Variants in DHRS4L2 observed in about 807,000 individuals in gnomAD.
The protein encoded by DHRS4L2 is dehydrogenase/reductase 4 like 2, also known as dehydrogenase/reductase SDR family member 4-like 2.
A neutral mutation model predicts 23.9 loss-of-function variants in DHRS4L2; 22 were observed. The observed-to-expected ratio is 0.92, with a 90% confidence interval of 0.66 to 1.31. The LOEUF (loss-of-function observed/expected upper bound fraction) is 1.31, where lower values mean the gene tolerates loss of function less well. DHRS4L2 is among the 40% of genes most tolerant of loss of function. DHRS4L2 has a pLI of 0.00. For synonymous variants in DHRS4L2, 141 were observed against 123.7 expected (o/e 1.14, Z -0.93); for missense variants, 385 against 303.3 (o/e 1.27, Z -2.00).
At chr14:23,988,545 C>A (rs983770279), upstream of DHRS4L2, among the ~76,000 whole-genome samples, 1 of 151,186 alleles carries the variant, frequency 6.6e-6, no homozygotes, top group African/African-American at 2.4e-5. Flanking sequence ...TAGACCCAGA[C>A]TTTCTTGGAG....
intron 1 of DHRS4L2, among the ~76,000 whole-genome samples, chr14:23,982,330 A>G (rs1014415983): frequency 1.8e-4 from 28 of 151,634 alleles, no homozygotes; most frequent in African/African-American, 6.5e-4. Context: ...GTTCCATAAA[A>G]CACATGTTTC....
upstream of DHRS4L2, among the ~76,000 whole-genome samples, chr14:23,986,383 A>G (rs2034140045): frequency 6.6e-6 from 1 of 151,350 alleles, no homozygotes; most frequent in Non-Finnish European, 1.5e-5. Context: ...GGGAAGGGAT[A>G]GCATTAGGAG....
exon 1 of DHRS4L2, chr14:23,970,009 C>G: frequency 2.2e-6 from 1 of 455,674 alleles, no homozygotes; most frequent in Non-Finnish European, 4.4e-6. Context: ...CCGGGCTTTA[C>G]TGAAGCGGAG....
chr14:23,992,692 TA>T (rs1363162730), intron 2 of DHRS4L2, among the ~76,000 whole-genome samples: 1 of 151,384 alleles, frequency 6.6e-6, no homozygotes, highest in Admixed American at 6.6e-5. Flanking sequence ...GACTTTCTTT[TA>T]TTTTTTTCCA....
In DHRS4L2 at chr14:23,990,289, A is replaced by T. The variant is rs1223226611; in HGVS notation, c.236A>T (p.Glu79Val). ...CAGGCGGTGGCCACGCTGCAGGGGG[A>T]GGGGCTGAGCGTGACGGGCACTGTG... is the stretch of plus-strand genomic sequence containing the variant. ...VDQAVATLQG[E>V]GLSVTGTVCH... The change falls in exon 2 of 8, where the codon GAG (glutamate) becomes GTG (valine). Residue 79 changes from glutamate to valine, a missense_variant. Glu to Val is a moderately radical substitution (Grantham distance 121). Transcript: ENST00000335125. The T allele has an allele frequency of 6.2e-7, 1 of 1,612,056 alleles. No homozygotes were observed. Among genetic ancestry groups the T allele is most frequent in the East Asian group, 2.2e-5 (1 of 44,846 alleles).
intron 1 of DHRS4L2, among the ~76,000 whole-genome samples, chr14:23,976,491 T>C (rs530818379): frequency 6.6e-6 from 1 of 151,834 alleles, no homozygotes; most frequent in East Asian, 1.9e-4. Context: ...TAGGAAGGCT[T>C]TTAGACTGTT....
At position 23,995,780 on chromosome 14, in the gene DHRS4L2, A is replaced by C. The variant is rs539362875; in HGVS notation, c.408+647A>C. ...CACACCCTTTAATTACAAAGCTTTA[A>C]TTAAAATATTTGTCTTTGTTTATTA... On this transcript the variant is annotated intron_variant, in intron 3 of 7. Coordinates refer to ENST00000335125, the MANE Select transcript of DHRS4L2 (RefSeq NM_198083.4). 4.6e-5 allele frequency among the ~76,000 whole-genome samples: 7 copies of C among 151,782 alleles called. 1 individual carries two copies. The highest frequency in any genetic ancestry group is 1.0e-4 in the Non-Finnish European group (7 of 67,948).
intron 1 of DHRS4L2, among the ~76,000 whole-genome samples, chr14:23,971,823 T>C (rs1391788849): frequency 6.6e-6 from 1 of 152,100 alleles, no homozygotes; most frequent in Admixed American, 6.5e-5. Context: ...TAAGAGCTCC[T>C]GAAGGAAGCA....
At chr14:23,975,109 A>G (rs1464984131) in intron 1 of DHRS4L2, among the ~76,000 whole-genome samples, 1 of 151,744 alleles carries the variant, frequency 6.6e-6, no homozygotes, top group South Asian at 2.1e-4. Context: ...AGGAAGAAAT[A>G]AAGGGTATTC....
chr14:23,987,900 T>A (rs559793239), upstream of DHRS4L2, among the ~76,000 whole-genome samples: 1 of 127,054 alleles, frequency 7.9e-6, no homozygotes, highest in African/African-American at 3.4e-5. Context: ...CCATAAGCCA[T>A]CCATATTTAT....
At chr14:23,995,296 C>T (rs1297514485) in intron 3 of DHRS4L2, among the ~76,000 whole-genome samples, 163 bp downstream of exon 3, 2 of 151,732 alleles carry the variant, frequency 1.3e-5, no homozygotes, top group Non-Finnish European at 2.9e-5. Flanking sequence ...GTGGGGGTGG[C>T]TCTTTCTCTG....
At chr14:24,002,177 T>C in intron 6 of DHRS4L2, among the ~76,000 whole-genome samples, 1 of 77,236 alleles carries the variant, frequency 1.3e-5, no homozygotes, top group Admixed American at 1.4e-4. Flanking sequence ...TTCCCCTTCC[T>C]GTGTCCATGT....
chr14:23,974,200 T>C (rs1210421358), intron 1 of DHRS4L2, among the ~76,000 whole-genome samples: 1 of 151,688 alleles, frequency 6.6e-6, no homozygotes, highest in Non-Finnish European at 1.5e-5. Context: ...TTGAAACCAA[T>C]GAGAACAAAG....
chr14:23,988,848 G>A (rs1220700161), upstream of DHRS4L2: 2 of 1,473,028 alleles, frequency 1.4e-6, no homozygotes, highest in African/African-American at 2.8e-5. Flanking sequence ...AGGGCGGGAA[G>A]GGGGCAGGCA....
chr14:24,006,040 C>G lies in DHRS4L2; in HGVS notation c.*177C>G, dbSNP rs755837709. On this transcript the variant is annotated 3_prime_UTR_variant, in exon 8 of 8. Transcript: ENST00000335125. ...CCCACAGGCCAGAGTTGGGCTCTAG[C>G]TCCTGGTGCTGTTCCTGCATTCACC... The G allele has an allele frequency of 3.1e-6, 5 of 1,599,524 alleles. No homozygotes were observed. The South Asian group carries it at 5.6e-5, about 18-fold the overall frequency.
chr14:24,005,655 T>C (rs941321540), intron 7 of DHRS4L2, among the ~76,000 whole-genome samples: 7 of 152,008 alleles, frequency 4.6e-5, no homozygotes, highest in Non-Finnish European at 1.0e-4. Flanking sequence ...GGTGTGTTTC[T>C]ATAGTATTTG....
At chr14:24,005,336 C>T (rs1319892278) in intron 7 of DHRS4L2, among the ~76,000 whole-genome samples, 1 of 149,278 alleles carries the variant, frequency 6.7e-6, no homozygotes, top group Non-Finnish European at 1.5e-5. Flanking sequence ...ACTCTGCCCA[C>T]CTCTAGAGCA....
intron 1 of DHRS4L2, among the ~76,000 whole-genome samples, chr14:23,976,602 G>T (rs535861143): frequency 6.6e-6 from 1 of 151,738 alleles, no homozygotes; most frequent in South Asian, 2.1e-4. Context: ...CCCCATTACT[G>T]GATATCTACC....
intron 1 of DHRS4L2, among the ~76,000 whole-genome samples, chr14:23,978,086 C>G (rs1231300760): frequency 2.0e-5 from 3 of 151,528 alleles, no homozygotes; most frequent in Non-Finnish European, 4.4e-5. Flanking sequence ...TCCTTAAATT[C>G]AATTCTCACC....
Sources: gnomAD v4.1 joint callset for allele counts (sites outside exome capture counted in the v4.1 genomes callset) on GRCh38, gnomAD v4.1.1 for gene constraint, MANE v1.5 for transcripts, NCBI Gene and HGNC (gene_info 2026-07-23, HGNC 2026-07-21) for gene names.